DCAF6: variants seen among roughly 807,000 people sequenced by gnomAD.
The protein encoded by DCAF6 is DDB1 and CUL4 associated factor 6.
In DCAF6, 54 loss-of-function variants were observed where a neutral mutation model predicts 125.1. The observed-to-expected ratio is 0.43, with a 90% confidence interval of 0.35 to 0.54. DCAF6 has a LOEUF of 0.54. DCAF6 is among the 20% of genes least tolerant of loss of function. The pLI is 0.01. For missense variants in DCAF6, 934 were observed against 1,161.7 expected (o/e 0.80, Z 2.85); for synonymous variants, 371 against 390.4 (o/e 0.95, Z 0.58).
intron 11 of DCAF6, 74 bp from the exon 12 acceptor site, chr1:168,022,914 T>C: frequency 7.4e-7 from 1 of 1,357,072 alleles, no homozygotes; most frequent in Non-Finnish European, 1.0e-6. Flanking sequence ...TTTCTTAAGC[T>C]TAGAGATGAT....
chr1:167,966,851 T>C, intron 3 of DCAF6, 130 bp downstream of exon 3: 1 of 609,432 alleles, frequency 1.6e-6, no homozygotes, highest in Non-Finnish European at 2.9e-6. Flanking sequence ...CTGAGGTTTA[T>C]TGTATAATTT....
intron 16 of DCAF6, among the ~76,000 whole-genome samples, chr1:168,047,668 T>C (rs925978979): frequency 6.6e-6 from 1 of 151,920 alleles, no homozygotes; most frequent in Non-Finnish European, 1.5e-5. Context: ...ATAGAAAACA[T>C]TTAATATATG....
chr1:168,022,448 A>G (rs1250617062), intron 11 of DCAF6, among the ~76,000 whole-genome samples: 8 of 152,232 alleles, frequency 5.3e-5, no homozygotes, highest in South Asian at 2.1e-4. Context: ...TTTTAAAGTC[A>G]TGCATGTTTC....
the DCAF6 span, among the ~76,000 whole-genome samples, chr1:167,899,203 C>A: frequency 6.6e-6 from 1 of 152,188 alleles, no homozygotes; most frequent in Non-Finnish European, 1.5e-5. Context: ...CCTCAGTTAC[C>A]CATAAAGAAG....
chr1:167,989,955 G>A (rs1055624798), intron 5 of DCAF6, among the ~76,000 whole-genome samples: 1 of 152,054 alleles, frequency 6.6e-6, no homozygotes, highest in Non-Finnish European at 1.5e-5. Flanking sequence ...TATGTTTGGG[G>A]TACTAGCTCT....
chr1:167,913,846 A>G, the DCAF6 span: 1 of 152,240 alleles, frequency 6.6e-6, no homozygotes, highest in Non-Finnish European at 1.5e-5. Flanking sequence ...AGAGGTATAC[A>G]CAAACTTGAA....
At chr1:168,057,518 A>G (rs1054431790) in intron 17 of DCAF6, among the ~76,000 whole-genome samples, 1 of 152,168 alleles carries the variant, frequency 6.6e-6, no homozygotes, top group African/African-American at 2.4e-5. Flanking sequence ...AATAATTGAT[A>G]CTTTGAGCTG....
chr1:167,964,569 T>G (rs1362137702), intron 2 of DCAF6, among the ~76,000 whole-genome samples: 1 of 152,202 alleles, frequency 6.6e-6, no homozygotes, highest in African/African-American at 2.4e-5. Flanking sequence ...GCTTACTGGA[T>G]CTATGGTTTG....
chr1:167,914,295 C>T, the DCAF6 span: 2 of 152,176 alleles, frequency 1.3e-5, no homozygotes, highest in Non-Finnish European at 2.9e-5. Context: ...CTTATCCGCA[C>T]ATTTGAGGCA....
intron 17 of DCAF6, among the ~76,000 whole-genome samples, chr1:168,062,774 G>A (rs1349202073): frequency 6.6e-6 from 1 of 151,962 alleles, no homozygotes; most frequent in Non-Finnish European, 1.5e-5. Context: ...AGAGTCCTTT[G>A]TTCTTCAATC....
chr1:167,880,384 C>G, the DCAF6 span: 1 of 1,006,552 alleles, frequency 9.9e-7, no homozygotes, highest in Non-Finnish European at 1.6e-6. Context: ...AGACACAGGA[C>G]TAAGTTCTTA....
the DCAF6 span, chr1:167,901,598 G>A: frequency 6.6e-7 from 1 of 1,507,898 alleles, no homozygotes; most frequent in East Asian, 2.3e-5. Flanking sequence ...GGGAGAGAGA[G>A]ATGCCCCAGG....
At chr1:168,035,056 G>A (rs1687617085) in intron 12 of DCAF6, among the ~76,000 whole-genome samples, 2 of 152,144 alleles carry the variant, frequency 1.3e-5, no homozygotes, top group African/African-American at 2.4e-5. Flanking sequence ...TAACCTGATA[G>A]GTTGTATATG....
At chr1:167,952,980 G>GATCC (rs1274720703) in intron 2 of DCAF6, among the ~76,000 whole-genome samples, 1 of 151,974 alleles carries the variant, frequency 6.6e-6, no homozygotes, top group African/African-American at 2.4e-5. Flanking sequence ...CCTTGCTGAA[G>GATCC]ATCCACCTTG....
intron 12 of DCAF6, among the ~76,000 whole-genome samples, chr1:168,028,093 G>A (rs2103281698): frequency 6.6e-6 from 1 of 152,194 alleles, no homozygotes; most frequent in Non-Finnish European, 1.5e-5. Context: ...GCACAGTAAT[G>A]TCCATCATGC....
intron 10 of DCAF6, among the ~76,000 whole-genome samples, chr1:168,008,947 C>G (rs993429753): frequency 1.0e-4 from 15 of 143,908 alleles, no homozygotes; most frequent in African/African-American, 3.3e-4. Flanking sequence ...CTCTCTTTCT[C>G]TCTCTCTTTT....
intron 1 of DCAF6, among the ~76,000 whole-genome samples, chr1:167,942,029 A>G (rs2102633232): frequency 6.6e-6 from 1 of 152,276 alleles, no homozygotes; most frequent in East Asian, 1.9e-4. Context: ...CCTTCATGGT[A>G]GGCGTGTAGA....
chr1:167,949,625 A>G (rs773148530), intron 1 of DCAF6, among the ~76,000 whole-genome samples: 30 of 152,188 alleles, frequency 2.0e-4, no homozygotes, highest in Non-Finnish European at 3.7e-4. Flanking sequence ...GTAAACCTGA[A>G]GCTCATACTG....
intron 2 of DCAF6, among the ~76,000 whole-genome samples, chr1:167,956,307 T>C (rs1674783717): frequency 6.6e-6 from 1 of 152,222 alleles, no homozygotes; most frequent in Admixed American, 6.5e-5. Flanking sequence ...ATATGTGTGC[T>C]TCACTGAATT....
Sources: gnomAD v4.1 joint callset for allele counts (sites outside exome capture counted in the v4.1 genomes callset) on GRCh38, gnomAD v4.1.1 for gene constraint, MANE v1.5 for transcripts, NCBI Gene and HGNC (gene_info 2026-07-23, HGNC 2026-07-21) for gene names.